The following C2CD3 variants were observed in gnomAD, a reference collection of about 807,000 sequenced individuals.
C2CD3 encodes C2 domain containing 3 centriole elongation regulator, also known as C2 domain-containing protein 3.
Under a neutral mutation model 234.0 loss-of-function variants are expected in C2CD3, and 148 were observed. The ratio of observed to expected loss-of-function variants is 0.63; its 90% CI spans 0.55 to 0.72. The LOEUF (loss-of-function observed/expected upper bound fraction) is 0.72. Ranked by LOEUF, C2CD3 falls within the 30% of genes least tolerant of loss-of-function variation. The pLI is 0.00. For missense variants in C2CD3, 2,577 were observed against 2,811.5 expected (o/e 0.92, Z 1.89); for synonymous variants, 1,000 against 1,035.4 (o/e 0.97, Z 0.66).
chr11:74,138,699 A>G (rs1318712659), intron 5 of C2CD3, 21 bp downstream of exon 5: 4 of 1,600,564 alleles, frequency 2.5e-6, no homozygotes, highest in East Asian at 2.2e-5. Context: ...AGTCTGACTC[A>G]GTTCACAAAT....
intron 7 of C2CD3, among the ~76,000 whole-genome samples, chr11:74,127,193 G>GAA (rs1957441437): frequency 6.6e-6 from 1 of 152,202 alleles, no homozygotes; most frequent in South Asian, 2.1e-4. Flanking sequence ...TTTTTGTAGA[G>GAA]ATGGGGTCTC....
chr11:74,089,079 A>T (rs1158614550), intron 20 of C2CD3, among the ~76,000 whole-genome samples: 2 of 152,228 alleles, frequency 1.3e-5, no homozygotes, highest in Admixed American at 1.3e-4. Flanking sequence ...GTAAATATGT[A>T]CATATTTAAA....
At chr11:74,018,891 C>T (rs944661867) in intron 32 of C2CD3, among the ~76,000 whole-genome samples, 5 of 152,098 alleles carry the variant, frequency 3.3e-5, no homozygotes, top group African/African-American at 1.2e-4. Context: ...GTTCTTATTA[C>T]CGATATGCTC....
At chr11:74,091,013 GA>G in intron 19 of C2CD3, 77 bp from the exon 20 acceptor site, 1 of 1,499,764 alleles carries the variant, frequency 6.7e-7, no homozygotes, top group East Asian at 2.3e-5. Context: ...TTTTGGTCAG[GA>G]AGGATGGAAG....
intron 22 of C2CD3, among the ~76,000 whole-genome samples, chr11:74,079,883 T>C (rs899789935): frequency 1.3e-5 from 2 of 152,116 alleles, no homozygotes; most frequent in Non-Finnish European, 2.9e-5. Context: ...TATTATATAA[T>C]ATTATATATC....
In C2CD3 at chr11:74,095,229, A is replaced by G; in HGVS notation, c.3159T>C (p.Asn1053=). The G allele has an allele frequency of 1.2e-6, 2 of 1,606,952 alleles. No individual in the cohort carries two copies. Among genetic ancestry groups the G allele is most frequent in the Non-Finnish European group, 1.7e-6 (2 of 1,176,088 alleles). The change falls in exon 17 of 33, where the codon AAT becomes AAC. Residue 1053 remains asparagine (N), a splice_region_variant and synonymous_variant. Coordinates refer to ENST00000334126, the MANE Select transcript of C2CD3 (RefSeq NM_001286577.2). The part of the protein sequence containing the change: ...SVLKGPEFLE[N]GITLKPFRTA... ...AGAAAGCCTAATATCTAAACCTACCATTTTCAAGGAACTCAGGTCCTTTCA... is the reference window on the plus strand; with the variant it reads ...AGAAAGCCTAATATCTAAACCTACCGTTTTCAAGGAACTCAGGTCCTTTCA...
intron 3 of C2CD3, among the ~76,000 whole-genome samples, chr11:74,155,540 G>A (rs1031757381): frequency 2.0e-5 from 3 of 152,044 alleles, no homozygotes; most frequent in African/African-American, 7.2e-5. Flanking sequence ...TATCCATATC[G>A]TCAAGTATTA....
At chr11:74,163,082 CT>C (rs1157457183) in intron 2 of C2CD3, among the ~76,000 whole-genome samples, 1 of 152,162 alleles carries the variant, frequency 6.6e-6, no homozygotes, top group Non-Finnish European at 1.5e-5. Flanking sequence ...AGTTTAACTT[CT>C]GGTATTTTCT....
chr11:74,114,042 C>G (rs1461518802), intron 10 of C2CD3, 150 bp from the exon 11 acceptor site: 14 of 600,072 alleles, frequency 2.3e-5, no homozygotes, highest in Non-Finnish European at 3.8e-5. Context: ...CCAACCCTGT[C>G]TGAGAGAATC....
intron 3 of C2CD3, among the ~76,000 whole-genome samples, chr11:74,155,024 A>G (rs896858616): frequency 6.6e-6 from 1 of 152,230 alleles, no homozygotes; most frequent in African/African-American, 2.4e-5. Flanking sequence ...ATAGCCAGCA[A>G]AAATGGTCTT....
At chr11:74,160,274 C>A (rs746841162) in intron 3 of C2CD3, among the ~76,000 whole-genome samples, 68 of 152,130 alleles carry the variant, frequency 4.5e-4, no homozygotes, top group Non-Finnish European at 8.8e-4. Flanking sequence ...ATCAGTATGT[C>A]AATGAGATAC....
rs571555372 is a variant in C2CD3, at chr11:74,032,618, C to T, written c.6809+733G>A. Among the ~76,000 whole-genome samples, 4 of 152,162 alleles carry T rather than the reference C, an allele frequency of 2.6e-5. No individual in the cohort carries two copies. In the South Asian group the frequency reaches 8.3e-4, roughly 32 times the overall value. On this transcript the variant is annotated intron_variant, in intron 31 of 32. Transcript: ENST00000334126. ...AGGCGTGGTGGCTCAAATGCTCTAACTGCAGCATTTTGGGAGGGTGAGGCA... is the reference window on the plus strand; with the variant it reads ...AGGCGTGGTGGCTCAAATGCTCTAATTGCAGCATTTTGGGAGGGTGAGGCA...
intron 2 of C2CD3, among the ~76,000 whole-genome samples, chr11:74,162,017 T>G (rs1258476492): frequency 6.6e-6 from 1 of 152,100 alleles, no homozygotes; most frequent in African/African-American, 2.4e-5. Context: ...GGTCTCACTG[T>G]GTTGCCCAGG....
At position 74,118,264 on chromosome 11, in the gene C2CD3, T is replaced by C. The variant is rs777672762; in HGVS notation, c.1484A>G (p.His495Arg). The part of the protein sequence containing the change: ...RSSKVLESSD[H>R]KLKKRSAGKR... The stretch of plus-strand genomic sequence containing the variant: ...GCCTGCTGACCTCTTCTTCAGCTTA[T>C]GATCACTTGACTCCAGAACCTTAGA... The change falls in exon 9 of 33, where the codon CAT (histidine) becomes CGT (arginine). Residue 495 changes from histidine (H) to arginine (R), a missense_variant. Physicochemically the swap from His to Arg is conservative, Grantham distance 29. Transcript: ENST00000334126. The C allele has an allele frequency of 6.2e-7, 1 of 1,613,992 alleles. No individual in the cohort carries two copies. The highest frequency in any genetic ancestry group is 1.1e-5 in the South Asian group (1 of 91,070).
chr11:74,044,143 CCTTTATAT>C (rs1953230285), intron 28 of C2CD3, among the ~76,000 whole-genome samples: 2 of 152,020 alleles, frequency 1.3e-5, no homozygotes, highest in African/African-American at 4.8e-5. Context: ...CACCCAGTCC[CCTTTATAT>C]GTTCTAGATA....
At chr11:74,037,734 A>G (rs1293648832) in intron 29 of C2CD3, 36 bp from the exon 30 acceptor site, 1 of 1,498,222 alleles carries the variant, frequency 6.7e-7, no homozygotes, top group East Asian at 2.3e-5. Context: ...ACAAAGGGGT[A>G]ATTCATGGAG....
intron 8 of C2CD3, among the ~76,000 whole-genome samples, chr11:74,121,659 G>C (rs1395495893): frequency 1.4e-5 from 2 of 145,854 alleles, no homozygotes; most frequent in African/African-American, 5.0e-5. Flanking sequence ...ATTAAAAACA[G>C]TATTTAGTGT....
chr11:74,051,299 A>C (rs1953672364), intron 26 of C2CD3, among the ~76,000 whole-genome samples: 1 of 149,504 alleles, frequency 6.7e-6, no homozygotes, highest in Admixed American at 6.6e-5. Context: ...TGTCTCAAAA[A>C]AGAAAAAAAA....
At chr11:74,055,323 C>T (rs954143486) in intron 25 of C2CD3, among the ~76,000 whole-genome samples, 2 of 152,182 alleles carry the variant, frequency 1.3e-5, no homozygotes, top group Admixed American at 6.5e-5. Context: ...CTAACTTTCA[C>T]ACCAGATAAA....
Sources: allele counts gnomAD v4.1 joint callset (sites outside exome capture counted in the v4.1 genomes callset), GRCh38; gene constraint gnomAD v4.1.1; transcripts MANE v1.5; gene names NCBI Gene and HGNC (gene_info 2026-07-23, HGNC 2026-07-21).